The following GUF1 variants were observed in gnomAD, a reference collection of about 807,000 sequenced individuals.
The protein encoded by GUF1 is GTP binding elongation factor GUF1.
GUF1 carries 78 observed loss-of-function variants against 82.4 expected under a neutral mutation model. The ratio of observed to expected loss-of-function variants is 0.95; its 90% CI spans 0.79 to 1.14. The LOEUF (loss-of-function observed/expected upper bound fraction) is 1.14. GUF1 is among the 50% of genes most tolerant of loss of function. The pLI, the probability that GUF1 is intolerant of heterozygous loss-of-function variation, is 0.00. For synonymous variants in GUF1, 279 were observed against 282.3 expected (o/e 0.99, Z 0.12); for missense variants, 814 against 798.2 (o/e 1.02, Z -0.24).
chr4:44,687,800 G>A (rs1453916049), intron 8 of GUF1, among the ~76,000 whole-genome samples: 1 of 151,902 alleles, frequency 6.6e-6, no homozygotes. Context: ...AGGTTTATAA[G>A]TAGAGAGGTC....
At chr4:44,682,041 G>T (rs925585353) in intron 4 of GUF1, among the ~76,000 whole-genome samples, 10 of 151,996 alleles carry the variant, frequency 6.6e-5, no homozygotes, top group Non-Finnish European at 1.2e-4. Context: ...TATCATAGTT[G>T]AGCTGCCGTG....
At chr4:44,694,815 G>T (rs566824141) in intron 14 of GUF1, among the ~76,000 whole-genome samples, 2,044 of 147,814 alleles carry the variant, frequency 0.014, 21 homozygotes, top group Middle Eastern at 0.031. Flanking sequence ...GTTTTGTTTT[G>T]TTTTTTTTTT....
At chr4:44,693,190 C>CA (rs1715554447) in intron 13 of GUF1, among the ~76,000 whole-genome samples, 1 of 151,976 alleles carries the variant, frequency 6.6e-6, no homozygotes, top group Admixed American at 6.6e-5. Flanking sequence ...GAATCAACAG[C>CA]AACTAGTAGC....
Position 44,698,755 on chromosome 4 carries a change from T to A in GUF1, c.*74T>A. 1.4e-6 allele frequency: 2 copies of A among 1,407,346 alleles called. No individual in the cohort carries two copies. Among genetic ancestry groups the A allele is most frequent in the Non-Finnish European group, 1.9e-6 (2 of 1,035,980 alleles). 87.2% of individuals were successfully genotyped at this position (1,407,346 alleles called of 1,614,324 possible). On this transcript the variant is annotated 3_prime_UTR_variant, in exon 17 of 17. Coordinates refer to ENST00000281543, the MANE Select transcript of GUF1 (RefSeq NM_021927.3). The stretch of plus-strand genomic sequence containing the variant: ...ACAGAAAGAAAATTATAAAATTTGC[T>A]TGTTACTTTCAGGGTATTCAGGTTC...
Position 44,678,755 on chromosome 4 carries a change from A to G in GUF1, c.133A>G (p.Thr45Ala). 1 of 1,551,676 alleles carries G rather than the reference A, an allele frequency of 6.4e-7. No homozygotes were observed. Among genetic ancestry groups the G allele is most frequent in the South Asian group, 1.2e-5 (1 of 81,564 alleles). ...TGGGGCTGCTCCAGAGTCCTGGGCT[A>G]CCGACAGGCTCTACAGCTCCGCAGA... ...TLGAAPESWA[T>A]DRLYSSAEFK... The change falls in exon 1 of 17, where the codon ACC becomes GCC. Residue 45 changes from threonine (T) to alanine (A), a missense_variant. Transcript: ENST00000281543.
intron 5 of GUF1, 176 bp downstream of exon 5, chr4:44,682,587 C>G (rs774522346): frequency 8.3e-6 from 3 of 362,884 alleles, no homozygotes; most frequent in African/African-American, 2.1e-5. Flanking sequence ...CTCACCCTTG[C>G]ACAGAATTGA....
In GUF1 at chr4:44,678,551, C is replaced by A; in HGVS notation, c.-72C>A. The A allele has an allele frequency of 8.0e-7, 1 of 1,246,922 alleles. No individual in the cohort carries two copies. Among genetic ancestry groups the A allele is most frequent in the Non-Finnish European group, 1.1e-6 (1 of 948,050 alleles). 77.2% of individuals were successfully genotyped at this position (1,246,922 alleles called of 1,614,324 possible). A position where few individuals can be genotyped will look rare whatever the true frequency, so the allele number is the denominator to read the frequency against. ...TGTCCACCGGATCCTACGGGGGGTA[C>A]CTTCGAAAAAAAACGGGCTATGCTG... On this transcript the variant is annotated 5_prime_UTR_variant, in exon 1 of 17. Coordinates refer to ENST00000281543, the MANE Select transcript of GUF1 (RefSeq NM_021927.3).
intron 4 of GUF1, among the ~76,000 whole-genome samples, chr4:44,681,666 C>T (rs2109632804): frequency 6.6e-6 from 1 of 152,230 alleles, no homozygotes; most frequent in African/African-American, 2.4e-5. Flanking sequence ...CGTAAAGACA[C>T]TCAGCAGATG....
chr4:44,698,413 G>C, intron 16 of GUF1, 131 bp from the exon 17 acceptor site: 1 of 655,916 alleles, frequency 1.5e-6, no homozygotes, highest in Non-Finnish European at 2.6e-6. Context: ...CTGCTAGGAA[G>C]ATTAGAGAGA....
intron 13 of GUF1, among the ~76,000 whole-genome samples, chr4:44,692,271 A>T (rs1243622358): frequency 6.6e-6 from 1 of 152,008 alleles, no homozygotes; most frequent in African/African-American, 2.4e-5. Context: ...TCTTTTGAGG[A>T]ACAGGTTGTC....
At position 44,687,989 on chromosome 4, in the gene GUF1, T is replaced by C; in HGVS notation, c.939-18T>C. On this transcript the variant is annotated intron_variant, in intron 8 of 16. Coordinates refer to ENST00000281543, the MANE Select transcript of GUF1 (RefSeq NM_021927.3). The stretch of plus-strand genomic sequence containing the variant: ...AACATTAAAGCAGTAAATATTTGCA[T>C]ATAATAATTTTATTTAGATATGCAG... The C allele has an allele frequency of 6.2e-7, 1 of 1,601,898 alleles. No individual in the cohort carries two copies. Among genetic ancestry groups the C allele is most frequent in the South Asian group, 1.1e-5 (1 of 89,476 alleles).
intron 1 of GUF1, among the ~76,000 whole-genome samples, chr4:44,679,602 C>T (rs1714646693): frequency 6.6e-6 from 1 of 152,112 alleles, no homozygotes; most frequent in Non-Finnish European, 1.5e-5. Context: ...AGAAAATCTA[C>T]AGGGCAAACA....
In GUF1 at chr4:44,690,890, T is replaced by C. The variant is rs762294151; in HGVS notation, c.1479+30T>C. On this transcript the variant is annotated intron_variant, in intron 12 of 16. Transcript: ENST00000281543. ...AACTATAATACAATTTAATACAAAA[T>C]TAGGTTTTAGTCCTCTGAAATAGTG... 14 of 1,518,336 alleles carry C rather than the reference T, an allele frequency of 9.2e-6. No homozygotes were observed. In the African/African-American group the frequency reaches 1.8e-4, roughly 20 times the overall value. The allele number at this position is 1,518,336 out of a possible 1,614,324, so 94.1% of individuals were successfully genotyped here.
chr4:44,690,791 G>A lies in GUF1; in HGVS notation c.1410G>A (p.Leu470=), dbSNP rs1294812570. 1 of 1,602,230 alleles carries A rather than the reference G, an allele frequency of 6.2e-7. No homozygotes were observed. The highest frequency in any genetic ancestry group is 1.3e-5 in the African/African-American group (1 of 74,670). ...ATAAATCAAAAGTAACAGAATATTT[G>A]GAGCCAGTTGTTTTGGGCACTATTA... ...FPDKSKVTEY[L]EPVVLGTIIT... is the part of the protein sequence containing the mutation. The change falls in exon 12 of 17, where the codon TTG becomes TTA. Residue 470 remains leucine (L), a synonymous_variant. Coordinates refer to ENST00000281543, the MANE Select transcript of GUF1 (RefSeq NM_021927.3).
Position 44,700,525 on chromosome 4 carries a change from A to G in GUF1, c.*1844A>G, listed in dbSNP as rs542671603. 2.6e-5 allele frequency: 4 copies of G among 152,230 alleles called. No individual in the cohort carries two copies. Among genetic ancestry groups the G allele is most frequent in the African/African-American group, 7.2e-5 (3 of 41,520 alleles). The allele number at this position is 152,230 out of a possible 1,614,324, so 9.4% of individuals were successfully genotyped here. On this transcript the variant is annotated 3_prime_UTR_variant, in exon 17 of 17. Coordinates refer to ENST00000281543, the MANE Select transcript of GUF1 (RefSeq NM_021927.3). Reference sequence around the variant, plus strand: ...CAAGTTGTCCTGCCTTTCAAGACCAATGTACACCTTACACATACTGATTGA... The same window carrying G: ...CAAGTTGTCCTGCCTTTCAAGACCAGTGTACACCTTACACATACTGATTGA...
chr4:44,684,202 C>T (rs925062090), intron 6 of GUF1, among the ~76,000 whole-genome samples: 2 of 151,986 alleles, frequency 1.3e-5, no homozygotes, highest in African/African-American at 2.4e-5. Flanking sequence ...TGTTATTATT[C>T]TAGGTGAAAT....
In GUF1 at chr4:44,689,294, C is replaced by T; in HGVS notation, c.1087C>T (p.Pro363Ser). ...AATCATTGTATCCCCAGGAATGTAT[C>T]CTCTAGACCAATCTGAATATAACAA... is the stretch of plus-strand genomic sequence containing the variant. ...AKPMVFAGMY[P>S]LDQSEYNNLK... Residue 363 changes from proline (P) to serine (S), a missense_variant, in exon 10 of 17, where the codon CCT becomes TCT. Pro to Ser is a moderately conservative substitution (Grantham distance 74, BLOSUM62 -1). Coordinates refer to ENST00000281543, the MANE Select transcript of GUF1 (RefSeq NM_021927.3). 5 of 1,599,622 alleles carry T rather than the reference C, an allele frequency of 3.1e-6. No individual in the cohort carries two copies. The highest frequency in any genetic ancestry group is 4.3e-6 in the Non-Finnish European group (5 of 1,172,276).
chr4:44,680,960 T>G, intron 3 of GUF1, 118 bp downstream of exon 3: 1 of 1,117,442 alleles, frequency 8.9e-7, no homozygotes, highest in Non-Finnish European at 1.3e-6. Flanking sequence ...CTTTTTGTTT[T>G]CTCAGTGTTC....
At chr4:44,691,613 C>T in intron 12 of GUF1, 53 bp from the exon 13 acceptor site, 2 of 1,371,986 alleles carry the variant, frequency 1.5e-6, no homozygotes, top group East Asian at 2.4e-5. Flanking sequence ...TACATCATTC[C>T]TCAGTATTTG....
Sources: allele counts gnomAD v4.1 joint callset (sites outside exome capture counted in the v4.1 genomes callset), GRCh38; gene constraint gnomAD v4.1.1; transcripts MANE v1.5; gene names NCBI Gene and HGNC (gene_info 2026-07-23, HGNC 2026-07-21).